The following IL31RA variants were observed in gnomAD, a reference collection of about 807,000 sequenced individuals.
The protein encoded by IL31RA is interleukin 31 receptor A.
In IL31RA, 66 loss-of-function variants were observed where a neutral mutation model predicts 83.7. The observed-to-expected ratio is 0.79, with a 90% CI of 0.65 to 0.97. The LOEUF is 0.97. Ranked by LOEUF, IL31RA falls within the 50% of genes least tolerant of loss-of-function variation. The pLI is 0.00. For synonymous variants in IL31RA, 325 were observed against 329.0 expected, an observed-to-expected ratio of 0.99 and a Z score of 0.13; for missense variants, 798 against 919.4, an observed-to-expected ratio of 0.87 and a Z score of 1.71.
At chr5:55,879,306 A>G (rs539113181) in intron 4 of IL31RA, among the ~76,000 whole-genome samples, 1 of 152,060 alleles carries the variant, frequency 6.6e-6, no homozygotes, top group African/African-American at 2.4e-5. Flanking sequence ...TAAGACAGCC[A>G]CAAAACTATT....
At chr5:55,856,780 T>C (rs115173341) in intron 1 of IL31RA, among the ~76,000 whole-genome samples, 2,317 of 152,338 alleles carry the variant, frequency 0.015, 31 homozygotes, top group South Asian at 0.047. Context: ...TTTCCTTTCG[T>C]AGATAGTACT....
chr5:55,887,466 G>A (rs1421577794), intron 5 of IL31RA, among the ~76,000 whole-genome samples: 1 of 152,200 alleles, frequency 6.6e-6, no homozygotes, highest in East Asian at 1.9e-4. Flanking sequence ...TGGACTGGGT[G>A]CAGTGGCTCA....
At chr5:55,916,496 G>T in intron 14 of IL31RA, 148 bp from the exon 15 acceptor site, 1 of 728,416 alleles carries the variant, frequency 1.4e-6, no homozygotes, top group East Asian at 2.5e-5. Context: ...AGGGCATGCA[G>T]AGAGGGTTGG....
intron 1 of IL31RA, among the ~76,000 whole-genome samples, chr5:55,855,456 A>G (rs529102781): frequency 8.5e-5 from 13 of 152,268 alleles, no homozygotes; most frequent in African/African-American, 3.1e-4. Flanking sequence ...GAATCAACAA[A>G]TAGTAGCTGA....
chr5:55,914,824 C>T (rs377636455), intron 13 of IL31RA, 23 bp from the exon 14 acceptor site: 1 of 1,561,104 alleles, frequency 6.4e-7, no homozygotes, highest in Non-Finnish European at 8.8e-7. Flanking sequence ...CAATTCCCAT[C>T]TTAAAATCTT....
intron 6 of IL31RA, among the ~76,000 whole-genome samples, chr5:55,894,177 A>G (rs1406170292): frequency 1.3e-5 from 2 of 150,930 alleles, no homozygotes; most frequent in Admixed American, 6.6e-5. Flanking sequence ...GACTCTCCAC[A>G]TGATTGGAAC....
chr5:55,907,923 C>T (rs28576452), intron 10 of IL31RA, among the ~76,000 whole-genome samples: 39,403 of 152,056 alleles, frequency 0.26, 5,464 homozygotes, highest in Middle Eastern at 0.36. Flanking sequence ...CACTGGAAAA[C>T]ATCTTCTGCC....
At chr5:55,859,274 AGACATAGTGG>A (rs1745527963) in intron 1 of IL31RA, among the ~76,000 whole-genome samples, 1 of 152,194 alleles carries the variant, frequency 6.6e-6, no homozygotes, top group African/African-American at 2.4e-5. Context: ...ACTTTTCATA[AGACATAGTGG>A]AGTAGACGAT....
At chr5:55,865,335 G>A (rs1012988795) in intron 2 of IL31RA, among the ~76,000 whole-genome samples, 12 of 152,142 alleles carry the variant, frequency 7.9e-5, no homozygotes, top group Non-Finnish European at 1.2e-4. Context: ...GTGGGTGCCT[G>A]GCTCATGTGC....
At chr5:55,850,374 T>C (rs1745023192), upstream of IL31RA, among the ~76,000 whole-genome samples, 2 of 152,210 alleles carry the variant, frequency 1.3e-5, no homozygotes, top group African/African-American at 2.4e-5. Flanking sequence ...TCTTCATCTC[T>C]TTGTCTTTTC....
chr5:55,866,211 C>T (rs1466346106), intron 2 of IL31RA, among the ~76,000 whole-genome samples: 1 of 152,184 alleles, frequency 6.6e-6, no homozygotes, highest in Admixed American at 6.5e-5. Flanking sequence ...TGAGGAGCTG[C>T]ACCAGGCCAC....
chr5:55,896,823 C>A (rs1253371767), intron 7 of IL31RA, among the ~76,000 whole-genome samples: 1 of 72,874 alleles, frequency 1.4e-5, no homozygotes, highest in South Asian at 5.8e-4. Flanking sequence ...CCACCGCCGC[C>A]TTTCTTTCTT....
chr5:55,880,223 T>C (rs1202393622), intron 4 of IL31RA, among the ~76,000 whole-genome samples: 1 of 152,228 alleles, frequency 6.6e-6, no homozygotes, highest in Non-Finnish European at 1.5e-5. Flanking sequence ...GCCACACGGA[T>C]TGATGACCAC....
the IL31RA span, among the ~76,000 whole-genome samples, chr5:55,843,687 T>G: frequency 7.2e-5 from 11 of 152,310 alleles, no homozygotes; most frequent in African/African-American, 2.2e-4. Context: ...TATGTCTTCT[T>G]GGAGAATTGG....
At chr5:55,874,917 T>C (rs1746742957) in intron 4 of IL31RA, among the ~76,000 whole-genome samples, 1 of 152,166 alleles carries the variant, frequency 6.6e-6, no homozygotes, top group Non-Finnish European at 1.5e-5. Context: ...AATAGAAGTG[T>C]TGAAAGCAGA....
intron 2 of IL31RA, 27 bp from the exon 3 acceptor site, chr5:55,868,764 G>T (rs754110417): frequency 5.4e-6 from 6 of 1,106,682 alleles, no homozygotes; most frequent in South Asian, 4.9e-5. Flanking sequence ...TTTTGTGTTT[G>T]TGTGTGTGTG....
Position 55,872,423 on chromosome 5 carries a change from T to C in IL31RA, c.426T>C (p.His142=), listed in dbSNP as rs1267350298. ...ATGGAGATGGTGTAATTAAATCTCA[T>C]ATGACATACTGGAGATTAGAGAACA... ...AENGDGVIKS[H]MTYWRLENIA... Residue 142 remains histidine, a synonymous_variant, in exon 4 of 15, where the codon CAT becomes CAC. Coordinates refer to ENST00000652347, the MANE Select transcript of IL31RA (RefSeq NM_139017.7). 6.2e-6 allele frequency: 10 copies of C among 1,606,734 alleles called. No individual in the cohort carries two copies. The highest frequency in any genetic ancestry group is 8.5e-6 in the Non-Finnish European group (10 of 1,173,598).
intron 8 of IL31RA, among the ~76,000 whole-genome samples, chr5:55,902,114 T>G (rs901049391): frequency 6.6e-6 from 1 of 152,220 alleles, no homozygotes; most frequent in African/African-American, 2.4e-5. Context: ...GCTTGCAGGT[T>G]AAATCTGGTT....
chr5:55,908,450 C>A, intron 11 of IL31RA, 39 bp downstream of exon 11: 1 of 1,614,194 alleles, frequency 6.2e-7, no homozygotes, highest in South Asian at 1.1e-5. Context: ...AAACCCCAAG[C>A]CCCAGATAGA....
Sources: gnomAD v4.1 joint callset for allele counts (sites outside exome capture counted in the v4.1 genomes callset) on GRCh38, gnomAD v4.1.1 for gene constraint, MANE v1.5 for transcripts, NCBI Gene and HGNC (gene_info 2026-07-23, HGNC 2026-07-21) for gene names.